NR1I3: variants seen among roughly 807,000 people sequenced by gnomAD.
NR1I3 encodes nuclear receptor subfamily 1 group I member 3.
A neutral mutation model predicts 38.4 loss-of-function variants in NR1I3; 30 were observed. That is an observed-to-expected ratio of 0.78 (90% CI 0.58 to 1.06). NR1I3 has a LOEUF of 1.06. Among genes scored for constraint, NR1I3 ranks in the 50% least tolerant of loss-of-function variants. The pLI is 0.00. For synonymous variants in NR1I3, 143 were observed against 165.1 expected, an observed-to-expected ratio of 0.87 and a Z score of 1.03; for missense variants, 388 against 435.7, an observed-to-expected ratio of 0.89 and a Z score of 0.97.
At chr1:161,230,958 G>A (rs1476251632) in intron 7 of NR1I3, 40 bp from the exon 8 acceptor site, 2 of 1,613,450 alleles carry the variant, frequency 1.2e-6, no homozygotes, top group Non-Finnish European at 1.7e-6. Flanking sequence ...TTGGGTGGCA[G>A]GGGTGGGCCT....
At chr1:161,230,123 C>G in intron 8 of NR1I3, 197 bp from the exon 9 acceptor site, 1 of 599,380 alleles carries the variant, frequency 1.7e-6, no homozygotes, top group Non-Finnish European at 2.9e-6. Flanking sequence ...ACACTGTCTT[C>G]TCTCACCATG....
intron 1 of NR1I3, 48 bp from the exon 2 acceptor site, chr1:161,236,646 T>G: frequency 6.3e-6 from 10 of 1,580,470 alleles, no homozygotes; most frequent in Non-Finnish European, 8.6e-6. Flanking sequence ...CCCTTGACCC[T>G]TTTCTGTCCC....
chr1:161,230,133 G>T, intron 8 of NR1I3: 1 of 579,298 alleles, frequency 1.7e-6, no homozygotes, highest in Non-Finnish European at 3.0e-6. Context: ...CTCTCACCAT[G>T]CTCAGTTTTT....
intron 2 of NR1I3, 148 bp from the exon 3 acceptor site, chr1:161,236,125 A>T: frequency 1.2e-6 from 1 of 863,124 alleles, no homozygotes; most frequent in Non-Finnish European, 1.8e-6. Flanking sequence ...AGTATCCAAC[A>T]CATCTCAAGC....
chr1:161,235,990 G>A lies in NR1I3; in HGVS notation c.108-13C>T. On this transcript the variant is annotated splice_polypyrimidine_tract_variant and intron_variant, in intron 2 of 8. Transcript: ENST00000367983. Reference sequence around the variant, plus strand: ...GCTGACTGTTCTCCTGTGAGACACAGAGATGTTGTTAGAGTCTGGGATGCA... The same window carrying A: ...GCTGACTGTTCTCCTGTGAGACACAAAGATGTTGTTAGAGTCTGGGATGCA... 2 of 1,577,412 alleles carry A rather than the reference G, an allele frequency of 1.3e-6. No individual in the cohort carries two copies. Among genetic ancestry groups the A allele is most frequent in the Non-Finnish European group, 1.7e-6 (2 of 1,162,832 alleles).
intron 6 of NR1I3, 27 bp downstream of exon 6, chr1:161,231,302 C>T (rs1667218087): frequency 1.9e-6 from 3 of 1,607,318 alleles, no homozygotes; most frequent in East Asian, 4.5e-5. Context: ...AGGACACATG[C>T]CCCCTATTGC....
chr1:161,230,104 C>T (rs990787802), intron 8 of NR1I3, 178 bp from the exon 9 acceptor site: 1 of 668,750 alleles, frequency 1.5e-6, no homozygotes, highest in Admixed American at 3.0e-5. Flanking sequence ...TCCAGGGGGC[C>T]TCGGTCTGAC....
intron 8 of NR1I3, chr1:161,230,296 T>A (rs1349720288): frequency 6.9e-6 from 2 of 291,300 alleles, no homozygotes; most frequent in Non-Finnish European, 1.3e-5. Context: ...CTGGCCAAAC[T>A]AGCTCTTGGA....
At chr1:161,232,053 C>A (rs1002712528) in intron 5 of NR1I3, among the ~76,000 whole-genome samples, 4 of 151,534 alleles carry the variant, frequency 2.6e-5, no homozygotes, top group African/African-American at 9.7e-5. Flanking sequence ...GTGGCCTGAT[C>A]TCGGCTACAG....
At position 161,233,833 on chromosome 1, in the gene NR1I3, ATATATGTGTGTGTG is replaced by A. The variant is rs1353661237; in HGVS notation, c.239-509_239-496del. Among the ~76,000 whole-genome samples, 664 of 110,688 alleles carry A rather than the reference ATATATGTGTGTGTG, an allele frequency of 6.0e-3. 5 individuals carry two copies. The highest frequency in any genetic ancestry group is 0.022 in the African/African-American group (609 of 27,514). The allele number at this position is 110,688 out of a possible 152,430, so 72.6% of individuals were successfully genotyped here. A position where few individuals can be genotyped will look rare whatever the true frequency, so the allele number is the denominator to read the frequency against. ...TAGGCAGGGCTGGTATTCATCATAT[ATATATGTGTGTGTG>A]TGTGTGTGTGTGTGTGTGTGTGTGT... is the stretch of plus-strand genomic sequence containing the variant. On this transcript the variant is annotated intron_variant, in intron 3 of 8. Coordinates refer to ENST00000367983, the MANE Select transcript of NR1I3 (RefSeq NM_005122.5).
intron 4 of NR1I3, 55 bp from the exon 5 acceptor site, chr1:161,233,001 C>G (rs756698480): frequency 9.9e-5 from 158 of 1,603,200 alleles, no homozygotes; most frequent in Non-Finnish European, 1.3e-4. Context: ...CTCCTTTAGG[C>G]CTCGCCAGCC....
At position 161,229,732 on chromosome 1, in the gene NR1I3, G is replaced by T. The variant is rs1387926756; in HGVS notation, c.*65C>A. 6.2e-7 allele frequency: 1 copy of T among 1,614,222 alleles called. No homozygotes were observed. The highest frequency in any genetic ancestry group is 1.3e-5 in the African/African-American group (1 of 75,060). ...GAACCCGGCCCAATCTTTGGTCCCA[G>T]CATTTTCCCACTCCAGTGTATCCAG... On this transcript the variant is annotated 3_prime_UTR_variant, in exon 9 of 9. Coordinates refer to ENST00000367983, the MANE Select transcript of NR1I3 (RefSeq NM_005122.5).
At chr1:161,238,004 A>T (rs1236760307) in intron 1 of NR1I3, 37 bp downstream of exon 1, 8 of 1,578,536 alleles carry the variant, frequency 5.1e-6, no homozygotes, top group Non-Finnish European at 7.0e-6. Flanking sequence ...TCTGTATTTT[A>T]TTACATTTAG....
At chr1:161,237,055 T>C (rs1469257315) in intron 1 of NR1I3, among the ~76,000 whole-genome samples, 1 of 151,130 alleles carries the variant, frequency 6.6e-6, no homozygotes, top group African/African-American at 2.4e-5. Flanking sequence ...GAGTGCATCA[T>C]AGTTCAATGT....
Position 161,232,818 on chromosome 1 carries a change from C to T in NR1I3, c.537G>A (p.Leu179=), listed in dbSNP as rs750927922. ...VLQVIKFTKD[L]PVFRSLPIED... is the part of the protein sequence containing the mutation. ...GGGAGGTCACTCACCGGAAGACGGG[C>T]AGGTCCTTAGTAAACTTGATGACTT... The change falls in exon 5 of 9, where the codon CTG becomes CTA. Residue 179 remains leucine, a synonymous_variant. Transcript: ENST00000367983. 3.1e-6 allele frequency: 5 copies of T among 1,614,196 alleles called. No homozygotes were observed. Among genetic ancestry groups the T allele is most frequent in the Non-Finnish European group, 4.2e-6 (5 of 1,180,016 alleles).
At position 161,231,330 on chromosome 1, in the gene NR1I3, A is replaced by G. The variant is rs559151462; in HGVS notation, c.693T>C (p.Arg231=). The G allele has an allele frequency of 1.3e-5, 21 of 1,582,956 alleles. No homozygotes were observed. In the East Asian group the frequency reaches 4.5e-4, roughly 34 times the overall value. ...CCTATTGCTCTAGCACCATCTCACC[A>G]CGGGCTCCATCTTCAATTGTGTAGC... is the stretch of plus-strand genomic sequence containing the variant. ...PLRYTIEDGA[R]VGFQVEFLEL... is the part of the protein sequence containing the mutation. The change falls in exon 6 of 9, where the codon CGT becomes CGC. Residue 231 remains arginine (R), a splice_region_variant and synonymous_variant. Transcript: ENST00000367983.
Position 161,235,968 on chromosome 1 carries a change from G to A in NR1I3, c.117C>T (p.Val39=), listed in dbSNP as rs1239146106. The A allele has an allele frequency of 6.3e-7, 1 of 1,598,248 alleles. No homozygotes were observed. Among genetic ancestry groups the A allele is most frequent in the Non-Finnish European group, 8.5e-7 (1 of 1,172,554 alleles). ...GGCAGGTGGGACCAATGCTTTTGCT[G>A]ACTGTTCTCCTGTGAGACACAGAGA... ...EGCKGFFRRT[V]SKSIGPTCPF... Residue 39 remains valine (V), a synonymous_variant, in exon 3 of 9, where the codon GTC becomes GTT. Coordinates refer to ENST00000367983, the MANE Select transcript of NR1I3 (RefSeq NM_005122.5).
chr1:161,231,291 G>A lies in NR1I3; in HGVS notation c.694+38C>T, dbSNP rs368625201. Reference sequence around the variant, plus strand: ...GTCACCTGACCACATCCTGTACCATGAGGACACATGCCCCCTATTGCTCTA... The same window carrying A: ...GTCACCTGACCACATCCTGTACCATAAGGACACATGCCCCCTATTGCTCTA... On this transcript the variant is annotated intron_variant, in intron 6 of 8. Transcript: ENST00000367983. 12 of 1,610,828 alleles carry A rather than the reference G, an allele frequency of 7.4e-6. No individual in the cohort carries two copies. The African/African-American group carries it at 1.5e-4, about 20-fold the overall frequency.
At position 161,237,371 on chromosome 1, in the gene NR1I3, A is replaced by AT. The variant is rs903720807; in HGVS notation, c.-34+669dup. Among the ~76,000 whole-genome samples, 15 of 151,446 alleles carry AT rather than the reference A, an allele frequency of 9.9e-5. No individual in the cohort carries two copies. In the South Asian group the frequency reaches 1.7e-3, roughly 17 times the overall value. On this transcript the variant is annotated intron_variant, in intron 1 of 8. Coordinates refer to ENST00000367983, the MANE Select transcript of NR1I3 (RefSeq NM_005122.5). ...AGGTGCCCGCCACCATGCCCAGCTA[A>AT]TTTTTTATTTTTAGTAGAGATGGGG...
Sources: gnomAD v4.1 joint callset for allele counts (sites outside exome capture counted in the v4.1 genomes callset) on GRCh38, gnomAD v4.1.1 for gene constraint, MANE v1.5 for transcripts, NCBI Gene and HGNC (gene_info 2026-07-23, HGNC 2026-07-21) for gene names.